TMEM204: variants seen among roughly 807,000 people sequenced by gnomAD.
The protein encoded by TMEM204 is claudin-like protein 24.
Under a neutral mutation model 19.4 loss-of-function variants are expected in TMEM204, and 15 were observed. The observed-to-expected ratio is 0.77, with a 90% CI of 0.52 to 1.19. The LOEUF (loss-of-function observed/expected upper bound fraction) is 1.19, where lower values mean the gene tolerates loss of function less well. TMEM204 is among the 50% of genes most tolerant of loss of function. The pLI, the probability that TMEM204 is intolerant of heterozygous loss-of-function variation, is 0.00. For synonymous variants in TMEM204, 161 were observed against 146.0 expected, an observed-to-expected ratio of 1.10 and a Z score of -0.74; for missense variants, 287 against 321.2, an observed-to-expected ratio of 0.89 and a Z score of 0.81.
At chr16:1,541,507 T>A in intron 1 of TMEM204, 1 of 985,376 alleles carries the variant, frequency 1.0e-6, no homozygotes, top group Non-Finnish European at 1.2e-6. Flanking sequence ...GGCAGCGCCC[T>A]CGTCTTGGAT....
At position 1,541,415 on chromosome 16, in the gene TMEM204, CCAT is replaced by C. The variant is rs1172855136; in HGVS notation, c.281-505_281-503del. 12 of 985,302 alleles carry C rather than the reference CCAT, an allele frequency of 1.2e-5. No homozygotes were observed. In the Admixed American group the frequency reaches 7.4e-4, roughly 61 times the overall value. 61.0% of individuals were successfully genotyped at this position (985,302 alleles called of 1,614,324 possible). ...CAGCTGCTGGGAGGAGGGAACACCA[CCAT>C]GAGCCGCTTGGGGGTCGGGCAGCTG... On this transcript the variant is annotated intron_variant, in intron 1 of 2. Transcript: ENST00000566264.
chr16:1,545,069 G>A (rs1341342946), intron 2 of TMEM204, among the ~76,000 whole-genome samples: 1 of 152,260 alleles, frequency 6.6e-6, no homozygotes, highest in East Asian at 1.9e-4. Context: ...TTCAGGACAA[G>A]ATAGTGTTTC....
chr16:1,541,278 G>T, intron 1 of TMEM204: 1 of 985,368 alleles, frequency 1.0e-6, no homozygotes, highest in Non-Finnish European at 1.2e-6. Flanking sequence ...GCCCCAGGAG[G>T]TGAGGGGGGC....
chr16:1,532,204 GC>G (rs2030573113), upstream of TMEM204: 1 of 152,284 alleles, frequency 6.6e-6, no homozygotes, highest in Admixed American at 6.5e-5. Context: ...TGCCCCGCAC[GC>G]CCCGTCAGGT....
rs1177844986 is a variant in TMEM204 at position 1,553,583 on chromosome 16, CAGAG to C, written c.437-1196_437-1193del. ...GTTTAATCTGGACCAGTGTAAGTTA[CAGAG>C]AGTCTCTGGCACTTTGGGTACAAGA... On this transcript the variant is annotated intron_variant, in intron 2 of 2. Coordinates refer to ENST00000566264, the MANE Select transcript of TMEM204 (RefSeq NM_024600.6). The surrounding 1 kb of genome is among the most constrained non-coding windows in gnomAD (Gnocchi z 4.4). 2.3e-5 allele frequency: 24 copies of C among 1,023,516 alleles called. No homozygotes were observed. Among genetic ancestry groups the C allele is most frequent in the Non-Finnish European group, 2.8e-5 (24 of 851,352 alleles). 63.4% of individuals were successfully genotyped at this position (1,023,516 alleles called of 1,614,324 possible).
rs2076444 is a variant in TMEM204, at chr16:1,542,086, T to C, written c.436+10T>C. ...GCATTCCAACTGGCGAGTAAGTACCTGGGCGGGTGTGGCCACCGCGCCCTT... is the reference window on the plus strand; with the variant it reads ...GCATTCCAACTGGCGAGTAAGTACCCGGGCGGGTGTGGCCACCGCGCCCTT... On this transcript the variant is annotated intron_variant, in intron 2 of 2. Coordinates refer to ENST00000566264, the MANE Select transcript of TMEM204 (RefSeq NM_024600.6). The C allele has an allele frequency of 0.22, 344,732 of 1,590,608 alleles. 42,277 individuals carry two copies. Among genetic ancestry groups the C allele is most frequent in the African/African-American group, 0.48 (35,694 of 74,584 alleles).
chr16:1,552,093 C>G (rs951498552), intron 2 of TMEM204, among the ~76,000 whole-genome samples: 1 of 152,150 alleles, frequency 6.6e-6, no homozygotes, highest in Non-Finnish European at 1.5e-5. Context: ...CTGTTCCATT[C>G]GGATGAATGA....
Position 1,542,219 on chromosome 16 carries a change from C to G in TMEM204, c.436+143C>G, listed in dbSNP as rs956217544. On this transcript the variant is annotated intron_variant, in intron 2 of 2. Coordinates refer to ENST00000566264, the MANE Select transcript of TMEM204 (RefSeq NM_024600.6). ...CATGGCCACAGGCCACTGAGAAGCC[C>G]CATGGGGCATCCTCCCTCCCTCTTG... 2.2e-5 allele frequency: 20 copies of G among 891,678 alleles called. No individual in the cohort carries two copies. In the African/African-American group the frequency reaches 3.1e-4, roughly 14 times the overall value. 55.2% of individuals were successfully genotyped at this position (891,678 alleles called of 1,614,324 possible).
At chr16:1,549,509 G>A (rs1003963268) in intron 2 of TMEM204, among the ~76,000 whole-genome samples, 1 of 152,144 alleles carries the variant, frequency 6.6e-6, no homozygotes, top group Non-Finnish European at 1.5e-5. Flanking sequence ...GCTCACCGCC[G>A]CAAGCTCTGC....
At chr16:1,529,433 C>G (rs553728865), upstream of TMEM204, among the ~76,000 whole-genome samples, 53 of 152,362 alleles carry the variant, frequency 3.5e-4, no homozygotes, top group South Asian at 0.01. Flanking sequence ...TGGCAGCTTC[C>G]TGGACGCTCA....
chr16:1,552,234 T>C (rs1440412472), intron 2 of TMEM204, among the ~76,000 whole-genome samples: 1 of 152,190 alleles, frequency 6.6e-6, no homozygotes, highest in Non-Finnish European at 1.5e-5. Flanking sequence ...GGCCAGTTAC[T>C]GCCGGTATAA....
chr16:1,534,611 G>T, intron 1 of TMEM204, 56 bp downstream of exon 1: 3 of 1,596,584 alleles, frequency 1.9e-6, no homozygotes, highest in South Asian at 2.2e-5. Context: ...GAGGGCACAT[G>T]GGAGATGTTA....
Position 1,555,053 on chromosome 16 carries a change from G to A in TMEM204, c.*27G>A, listed in dbSNP as rs1336108433. On this transcript the variant is annotated 3_prime_UTR_variant, in exon 3 of 3. Coordinates refer to ENST00000566264, the MANE Select transcript of TMEM204 (RefSeq NM_024600.6). ...TCGCCCTTCTCAGCGCTCCATCAAC[G>A]CACACCTGCTATCGTGGAACAGCCT... 3.8e-6 allele frequency: 6 copies of A among 1,587,214 alleles called. No individual in the cohort carries two copies. Among genetic ancestry groups the A allele is most frequent in the African/African-American group, 1.3e-5 (1 of 74,764 alleles).
At position 1,534,184 on chromosome 16, in the gene TMEM204, AG is replaced by A; in HGVS notation, c.-91del. On this transcript the variant is annotated 5_prime_UTR_variant, in exon 1 of 3. The change abolishes the stop of an existing upstream ORF in the 5' untranslated region. Transcript: ENST00000566264. ...CCGAGGATGAGTGGTGATGTCCTCT[AG>A]CCACCCCTAGCAGCGTCGGCTCTCC... The A allele has an allele frequency of 6.5e-7, 1 of 1,533,678 alleles. No homozygotes were observed. Among genetic ancestry groups the A allele is most frequent in the South Asian group, 1.2e-5 (1 of 85,162 alleles).
At chr16:1,529,187 C>T (rs9934216), upstream of TMEM204, among the ~76,000 whole-genome samples, 186 of 152,336 alleles carry the variant, frequency 1.2e-3, 2 homozygotes, top group South Asian at 8.5e-3. Flanking sequence ...CACCCAGGGA[C>T]GCAGGGCGGG....
intron 2 of TMEM204, among the ~76,000 whole-genome samples, chr16:1,547,577 C>T (rs2032278435): frequency 6.6e-6 from 1 of 152,144 alleles, no homozygotes; most frequent in South Asian, 2.1e-4. Context: ...CACTCCGATA[C>T]CCAGCCTGGA....
chr16:1,553,966 G>A lies in TMEM204; in HGVS notation c.437-816G>A, dbSNP rs2032885092. The A allele has an allele frequency of 4.7e-6, 6 of 1,287,034 alleles. No homozygotes were observed. Among genetic ancestry groups the A allele is most frequent in the Admixed American group, 2.3e-5 (1 of 43,518 alleles). 79.7% of individuals were successfully genotyped at this position (1,287,034 alleles called of 1,614,324 possible). Reference sequence around the variant, plus strand: ...CTGTAAGTGAAACTGTAGCATCAGCGACTAACTAGACGGGAACAAGCTGCG... The same window carrying A: ...CTGTAAGTGAAACTGTAGCATCAGCAACTAACTAGACGGGAACAAGCTGCG... On this transcript the variant is annotated intron_variant, in intron 2 of 2. Transcript: ENST00000566264. This position sits in a 1 kb window ranked among gnomAD's most constrained non-coding sequence, Gnocchi z 4.4.
intron 2 of TMEM204, among the ~76,000 whole-genome samples, chr16:1,543,460 C>T (rs902395577): frequency 3.4e-5 from 5 of 149,230 alleles, no homozygotes; most frequent in African/African-American, 9.8e-5. Flanking sequence ...CTTCCCCTGG[C>T]GGGTAGGGGC....
chr16:1,534,153 G>C lies in TMEM204; in HGVS notation c.-123G>C, dbSNP rs780232915. 32 of 1,293,976 alleles carry C rather than the reference G, an allele frequency of 2.5e-5. No individual in the cohort carries two copies. The highest frequency in any genetic ancestry group is 3.0e-5 in the African/African-American group (2 of 66,114). 80.2% of individuals were successfully genotyped at this position (1,293,976 alleles called of 1,614,324 possible). On this transcript the variant is annotated 5_prime_UTR_variant, in exon 1 of 3. Coordinates refer to ENST00000566264, the MANE Select transcript of TMEM204 (RefSeq NM_024600.6). ...GACCATCCCATGGGCCTCCGCCCGC[G>C]CCGCCCCGAGGATGAGTGGTGATGT... is the stretch of plus-strand genomic sequence containing the variant.
Sources: gnomAD v4.1 joint callset for allele counts (sites outside exome capture counted in the v4.1 genomes callset) on GRCh38, gnomAD v4.1.1 for gene constraint, Gnocchi (gnomAD v3.1) non-coding constraint, MANE v1.5 for transcripts, NCBI Gene and HGNC (gene_info 2026-07-23, HGNC 2026-07-21) for gene names.